CUL2: variants seen among roughly 807,000 people sequenced by gnomAD.
CUL2 encodes cullin 2, also known as cullin-2.
CUL2 carries 22 observed loss-of-function variants against 110.2 expected under a neutral mutation model. The observed-to-expected ratio is 0.20, with a 90% CI of 0.14 to 0.28. The LOEUF is 0.28. Among genes scored for constraint, CUL2 ranks in the 10% least tolerant of loss-of-function variants. The probability of loss-of-function intolerance (pLI) is 1.00; values close to 1 mark genes in which losing one functional copy is unlikely to be tolerated. For missense variants in CUL2, 631 were observed against 905.5 expected, an observed-to-expected ratio of 0.70 and a Z score of 3.89; for synonymous variants, 279 against 293.2, an observed-to-expected ratio of 0.95 and a Z score of 0.49.
intron 5 of CUL2, among the ~76,000 whole-genome samples, chr10:35,053,943 T>C (rs1057287522): frequency 1.3e-5 from 2 of 152,220 alleles, no homozygotes; most frequent in East Asian, 1.9e-4. Context: ...ACAATAATAC[T>C]TCTTTCACAA....
rs770295058 is a variant in CUL2 at position 35,029,480 on chromosome 10, A to G, written c.1539+8T>C. 1 of 1,502,646 alleles carries G rather than the reference A, an allele frequency of 6.7e-7. No homozygotes were observed. The highest frequency in any genetic ancestry group is 1.3e-5 in the South Asian group (1 of 79,692). The allele number at this position is 1,502,646 out of a possible 1,614,324, so 93.1% of individuals were successfully genotyped here. On this transcript the variant is annotated splice_region_variant and intron_variant, in intron 15 of 20. Coordinates refer to ENST00000374749, the MANE Select transcript of CUL2 (RefSeq NM_003591.4). The stretch of plus-strand genomic sequence containing the variant: ...AGTAAATGCTCATAGTAAAACACAT[A>G]TTCATACCTGTAGAACATATATTTG...
rs573697806 is a variant in CUL2 at position 35,061,453 on chromosome 10, C to T, written c.223-485G>A. 5.6e-4 allele frequency among the ~76,000 whole-genome samples: 76 copies of T among 135,562 alleles called. 1 individual carries two copies. In the East Asian group the frequency reaches 0.014, roughly 25 times the overall value. The allele number at this position is 135,562 out of a possible 152,430, so 88.9% of individuals were successfully genotyped here. A position where few individuals can be genotyped will look rare whatever the true frequency, so the allele number is the denominator to read the frequency against. ...CCAGGCTGGGTGACAGAGCAAGACTCTGTCTCCCAAAAAAAAAAAAAAAAA... is the reference window on the plus strand; with the variant it reads ...CCAGGCTGGGTGACAGAGCAAGACTTTGTCTCCCAAAAAAAAAAAAAAAAA... On this transcript the variant is annotated intron_variant, in intron 3 of 20. Coordinates refer to ENST00000374749, the MANE Select transcript of CUL2 (RefSeq NM_003591.4).
chr10:35,049,479 C>T (rs935183345), intron 6 of CUL2, among the ~76,000 whole-genome samples: 1 of 147,142 alleles, frequency 6.8e-6, no homozygotes, highest in African/African-American at 2.5e-5. Flanking sequence ...AGAGCTCCCC[C>T]CACCAAAAAG....
intron 1 of CUL2, among the ~76,000 whole-genome samples, chr10:35,108,938 G>A (rs1023976415): frequency 3.3e-5 from 5 of 152,100 alleles, no homozygotes; most frequent in Non-Finnish European, 7.4e-5. Flanking sequence ...TTCTGCTAGG[G>A]ACAGTGGATC....
chr10:35,046,051 TCCCTGCCTCTGAA>T (rs763330160), intron 6 of CUL2, among the ~76,000 whole-genome samples: 35 of 152,220 alleles, frequency 2.3e-4, no homozygotes, highest in Non-Finnish European at 4.0e-4. Flanking sequence ...CTAGAGTCCT[TCCCTGCCTCTGAA>T]CCCCTCTAGT....
At chr10:35,082,176 C>G (rs2086960003) in intron 1 of CUL2, among the ~76,000 whole-genome samples, 1 of 151,968 alleles carries the variant, frequency 6.6e-6, no homozygotes, top group African/African-American at 2.4e-5. Context: ...ATGATCACAC[C>G]ACTGCACTCC....
At chr10:35,039,329 T>C (rs2085716406) in intron 8 of CUL2, among the ~76,000 whole-genome samples, 1 of 152,246 alleles carries the variant, frequency 6.6e-6, no homozygotes, top group Non-Finnish European at 1.5e-5. Flanking sequence ...CTGCATTTTG[T>C]CTTCATTTAC....
chr10:35,023,932 T>G (rs1325610552), intron 17 of CUL2, among the ~76,000 whole-genome samples: 1 of 152,162 alleles, frequency 6.6e-6, no homozygotes, highest in Non-Finnish European at 1.5e-5. Context: ...GCTCGTGGGC[T>G]CAAGTGATCC....
At chr10:35,046,699 C>G (rs541747366) in intron 6 of CUL2, among the ~76,000 whole-genome samples, 17 of 152,182 alleles carry the variant, frequency 1.1e-4, no homozygotes, top group African/African-American at 4.1e-4. Context: ...AGAGAGCAGC[C>G]TGGCCAACAT....
intron 2 of CUL2, among the ~76,000 whole-genome samples, chr10:35,096,132 C>T (rs1227234414): frequency 6.6e-6 from 1 of 151,966 alleles, no homozygotes; most frequent in African/African-American, 2.4e-5. Flanking sequence ...CCTGTAATCC[C>T]AGCTACTCAG....
chr10:35,017,705 A>AC, intron 17 of CUL2, among the ~76,000 whole-genome samples: 1 of 152,056 alleles, frequency 6.6e-6, no homozygotes, highest in East Asian at 1.9e-4. Flanking sequence ...AAAAAAAAAA[A>AC]AAATTCTATA....
chr10:35,038,702 T>C (rs1219216260), intron 9 of CUL2, among the ~76,000 whole-genome samples: 2 of 151,856 alleles, frequency 1.3e-5, no homozygotes, highest in Non-Finnish European at 1.5e-5. Context: ...TATAAAAATG[T>C]ATAAACACAA....
At chr10:35,082,954 T>C (rs1389155660) in intron 1 of CUL2, among the ~76,000 whole-genome samples, 1 of 151,950 alleles carries the variant, frequency 6.6e-6, no homozygotes, top group East Asian at 1.9e-4. Context: ...GGTCAGGAGT[T>C]TGAGACCAGC....
chr10:35,064,241 A>G (rs913775682), intron 2 of CUL2: 2 of 152,244 alleles, frequency 1.3e-5, no homozygotes, highest in East Asian at 3.8e-4. Context: ...ACCTGAGACC[A>G]GCCTAACTAA....
At chr10:35,038,525 CA>C (rs61022194) in intron 9 of CUL2, among the ~76,000 whole-genome samples, 41 of 65,474 alleles carry the variant, frequency 6.3e-4, no homozygotes, top group African/African-American at 2.4e-3. Context: ...GACTCTGTCT[CA>C]AAAAAAAAAA....
At chr10:35,124,151 T>C (rs755999817) in intron 1 of CUL2, among the ~76,000 whole-genome samples, 6 of 152,190 alleles carry the variant, frequency 3.9e-5, no homozygotes, top group Non-Finnish European at 5.9e-5. Flanking sequence ...CACTGTACTC[T>C]AACCTGGGTG....
chr10:35,077,272 C>A (rs977817985), intron 1 of CUL2, among the ~76,000 whole-genome samples: 9 of 145,524 alleles, frequency 6.2e-5, no homozygotes, highest in African/African-American at 2.0e-4. Context: ...CCAGTCTGGG[C>A]AACAGAGCAA....
chr10:35,111,937 G>C (rs2135130079), intron 1 of CUL2, among the ~76,000 whole-genome samples: 1 of 152,296 alleles, frequency 6.6e-6, no homozygotes, highest in African/African-American at 2.4e-5. Flanking sequence ...CAAACTCATA[G>C]CCTACTGTCC....
intron 1 of CUL2, 64 bp from the exon 2 acceptor site, chr10:35,071,403 GTTTT>G: frequency 6.9e-7 from 1 of 1,445,054 alleles, no homozygotes. Context: ...TTTTGTTGTT[GTTTT>G]TTGTTTGTTT....
Sources: allele counts gnomAD v4.1 joint callset (sites outside exome capture counted in the v4.1 genomes callset), GRCh38; gene constraint gnomAD v4.1.1; transcripts MANE v1.5; gene names NCBI Gene and HGNC (gene_info 2026-07-23, HGNC 2026-07-21).